The following SETD3 variants were observed in gnomAD, a reference collection of about 807,000 sequenced individuals.
The protein encoded by SETD3 is actin-histidine N-methyltransferase.
Under a neutral mutation model 63.0 loss-of-function variants are expected in SETD3, and 19 were observed. The observed-to-expected ratio is 0.30, with a 90% CI of 0.21 to 0.44. The LOEUF is 0.44. Among genes scored for constraint, SETD3 ranks in the 20% least tolerant of loss-of-function variants. The pLI, the probability that SETD3 is intolerant of heterozygous loss-of-function variation, is 1.00. For synonymous variants in SETD3, 286 were observed against 264.1 expected (o/e 1.08, Z -0.80); for missense variants, 587 against 728.5 (o/e 0.81, Z 2.24).
At chr14:99,430,703 G>A (rs1893126005) in intron 6 of SETD3, among the ~76,000 whole-genome samples, 1 of 152,204 alleles carries the variant, frequency 6.6e-6, no homozygotes, top group African/African-American at 2.4e-5. Flanking sequence ...GGAAGCAGGT[G>A]ATGCATCAGC....
intron 1 of SETD3, among the ~76,000 whole-genome samples, chr14:99,466,623 G>A (rs1595265365): frequency 6.8e-6 from 1 of 147,976 alleles, no homozygotes; most frequent in Non-Finnish European, 1.5e-5. Context: ...AATGGCGGGG[G>A]GGGGGGGGGG....
Position 99,398,729 on chromosome 14 carries a change from C to CA in SETD3, c.1734dup (p.Glu579Ter). The CA allele has an allele frequency of 6.2e-7, 1 of 1,614,214 alleles. No homozygotes were observed. Among genetic ancestry groups the CA allele is most frequent in the East Asian group, 2.2e-5 (1 of 44,884 alleles). ...TCTGAAGAAGATCCTTTGGCGTCTT[C>CA]AACTGCTCTTTTACTTTCTTGATTG... On this transcript the variant is annotated frameshift_variant, in exon 13 of 13. Coordinates refer to ENST00000331768, the MANE Select transcript of SETD3 (RefSeq NM_032233.3). LOFTEE classifies it low-confidence loss of function (END_TRUNC).
chr14:99,406,901 T>C (rs1364815498), intron 8 of SETD3, among the ~76,000 whole-genome samples: 1 of 152,216 alleles, frequency 6.6e-6, no homozygotes, highest in Non-Finnish European at 1.5e-5. Flanking sequence ...CTGGTGGCAG[T>C]GAGGGCAGTG....
At chr14:99,476,355 G>A (rs10136777) in intron 1 of SETD3, among the ~76,000 whole-genome samples, 64,104 of 152,102 alleles carry the variant, frequency 0.42, 15,421 homozygotes, top group Non-Finnish European at 0.55. Context: ...TAAAACATAC[G>A]CATGTAAAGG....
chr14:99,420,084 G>A (rs1892505323), intron 6 of SETD3, among the ~76,000 whole-genome samples: 2 of 152,178 alleles, frequency 1.3e-5, no homozygotes, highest in South Asian at 4.1e-4. Flanking sequence ...AGGATGGTAG[G>A]CAAGGTCATG....
chr14:99,432,069 C>T (rs11627984), intron 6 of SETD3, among the ~76,000 whole-genome samples: 75,612 of 151,880 alleles, frequency 0.5, 19,390 homozygotes, highest in African/African-American at 0.6. Context: ...CTCCTCTGAC[C>T]ACCCTTAAAT....
intron 4 of SETD3, 101 bp downstream of exon 4, chr14:99,461,091 G>A: frequency 1.4e-6 from 2 of 1,399,106 alleles, no homozygotes; most frequent in Non-Finnish European, 2.0e-6. Context: ...CTCAGAACTA[G>A]AACTCCCCCA....
At chr14:99,455,156 A>T (rs1446389712) in intron 6 of SETD3, among the ~76,000 whole-genome samples, 1 of 152,252 alleles carries the variant, frequency 6.6e-6, no homozygotes, top group Non-Finnish European at 1.5e-5. Context: ...TCACTTGGAC[A>T]GTGGATACAG....
intron 6 of SETD3, among the ~76,000 whole-genome samples, chr14:99,446,784 C>A (rs1309403937): frequency 6.6e-6 from 1 of 152,032 alleles, no homozygotes; most frequent in Admixed American, 6.6e-5. Context: ...GCGAGGAAGA[C>A]AGAGCAGAAG....
chr14:99,442,618 TA>T (rs1269208481), intron 6 of SETD3, among the ~76,000 whole-genome samples: 1 of 152,236 alleles, frequency 6.6e-6, no homozygotes, highest in Non-Finnish European at 1.5e-5. Flanking sequence ...ATAGGAAATG[TA>T]TTTTCTCTTC....
At chr14:99,457,366 C>G (rs913068170) in intron 6 of SETD3, among the ~76,000 whole-genome samples, 4 of 152,162 alleles carry the variant, frequency 2.6e-5, no homozygotes, top group African/African-American at 9.7e-5. Flanking sequence ...GTGTAACATT[C>G]TTGTGTAGTA....
intron 8 of SETD3, among the ~76,000 whole-genome samples, chr14:99,407,642 C>G (rs1229171374): frequency 6.6e-6 from 1 of 152,164 alleles, no homozygotes; most frequent in African/African-American, 2.4e-5. Context: ...GAACTGCCAC[C>G]CACCTGCCAT....
Position 99,398,918 on chromosome 14 carries a change from C to G in SETD3, c.1546G>C (p.Asp516His). 3 of 1,614,050 alleles carry G rather than the reference C, an allele frequency of 1.9e-6. No individual in the cohort carries two copies. Among genetic ancestry groups the G allele is most frequent in the Non-Finnish European group, 2.5e-6 (3 of 1,179,920 alleles). The change falls in exon 13 of 13, where the codon GAC becomes CAC. Residue 516 changes from aspartate (D) to histidine (H), a missense_variant. Asp to His is a moderately conservative substitution (Grantham distance 81). Transcript: ENST00000331768. The stretch of plus-strand genomic sequence containing the variant: ...CTCAAGACCAGGGGGAGCCTCGAGT[C>G]CCCCACGCTGCTCTCCAACAGCCCA... Reference protein sequence around the residue: ...NLGLLESSVGDSRLPLVLRNL... With the variant: ...NLGLLESSVGHSRLPLVLRNL...
chr14:99,399,276 A>G, intron 12 of SETD3, 151 bp from the exon 13 acceptor site: 1 of 621,822 alleles, frequency 1.6e-6, no homozygotes, highest in South Asian at 2.0e-5. Flanking sequence ...TCGCATGACC[A>G]GACACTCACA....
At chr14:99,459,706 T>A (rs141373348) in intron 4 of SETD3, among the ~76,000 whole-genome samples, 3 of 152,360 alleles carry the variant, frequency 2.0e-5, no homozygotes, top group African/African-American at 7.2e-5. Flanking sequence ...ACACATTGGT[T>A]TAGAAATTTG....
At position 99,437,315 on chromosome 14, in the gene SETD3, T is replaced by C. The variant is rs548513077; in HGVS notation, c.675+20964A>G. ...CCAGGCCCACTGCATGGCCATGCTG[T>C]GCCCTCTACCCTCCACCAGGAAAAC... On this transcript the variant is annotated intron_variant, in intron 6 of 12. Coordinates refer to ENST00000331768, the MANE Select transcript of SETD3 (RefSeq NM_032233.3). Among the ~76,000 whole-genome samples, 10 of 152,280 alleles carry C rather than the reference T, an allele frequency of 6.6e-5. No homozygotes were observed. In the East Asian group the frequency reaches 1.4e-3, roughly 21 times the overall value.
chr14:99,410,386 G>A (rs372064135), intron 8 of SETD3: 72 of 871,976 alleles, frequency 8.3e-5, no homozygotes, highest in East Asian at 8.2e-4. Flanking sequence ...CAAACAGAAG[G>A]ACCCTGAAAA....
chr14:99,409,253 C>G (rs1891846292), intron 8 of SETD3, among the ~76,000 whole-genome samples: 1 of 152,188 alleles, frequency 6.6e-6, no homozygotes, highest in African/African-American at 2.4e-5. Flanking sequence ...CATGAAAAGT[C>G]TCAGTCCCTA....
At chr14:99,462,759 T>C (rs567429558) in intron 3 of SETD3, among the ~76,000 whole-genome samples, 1 of 152,314 alleles carries the variant, frequency 6.6e-6, no homozygotes, top group East Asian at 1.9e-4. Context: ...GAGATGTGTA[T>C]GGAAGAGCAA....
Sources: allele counts gnomAD v4.1 joint callset (sites outside exome capture counted in the v4.1 genomes callset), GRCh38; gene constraint gnomAD v4.1.1; transcripts MANE v1.5; gene names NCBI Gene and HGNC (gene_info 2026-07-23, HGNC 2026-07-21).